Variants in MAP3K13 observed in about 807,000 individuals in gnomAD.
MAP3K13 encodes leucine zipper-bearing kinase.
MAP3K13 carries 52 observed loss-of-function variants against 104.0 expected under a neutral mutation model. The ratio of observed to expected loss-of-function variants is 0.50; its 90% CI spans 0.40 to 0.63. The LOEUF is 0.63. Among genes scored for constraint, MAP3K13 ranks in the 20% least tolerant of loss-of-function variants. The probability of loss-of-function intolerance (pLI) is 0.00; values close to 1 mark genes in which losing one functional copy is unlikely to be tolerated. For missense variants in MAP3K13, 914 were observed against 1,218.5 expected (o/e 0.75, Z 3.72); for synonymous variants, 394 against 442.2 (o/e 0.89, Z 1.37).
At chr3:185,412,941 C>A (rs1016233881) in intron 1 of MAP3K13, among the ~76,000 whole-genome samples, 1 of 152,176 alleles carries the variant, frequency 6.6e-6, no homozygotes, top group Non-Finnish European at 1.5e-5. Context: ...TACACTAGTG[C>A]TATGATTAGG....
intron 1 of MAP3K13, among the ~76,000 whole-genome samples, chr3:185,398,995 G>T (rs1037818424): frequency 6.6e-6 from 1 of 152,176 alleles, no homozygotes; most frequent in Non-Finnish European, 1.5e-5. Flanking sequence ...AAAGCTATAT[G>T]TAGCTAATGG....
At chr3:185,331,184 C>T (rs9853943) in intron 2 of MAP3K13, among the ~76,000 whole-genome samples, 113,188 of 148,424 alleles carry the variant, frequency 0.76, 43,884 homozygotes, top group Middle Eastern at 0.84. Context: ...ACCTCTGCCT[C>T]CCGGGTTCAA....
chr3:185,455,646 GAT>G lies in MAP3K13; in HGVS notation c.1278+4260_1278+4261del, dbSNP rs1203655836. Among the ~76,000 whole-genome samples, 26 of 8,104 alleles carry G rather than the reference GAT, an allele frequency of 3.2e-3. 3 individuals are homozygous for G. Among genetic ancestry groups the G allele is most frequent in the South Asian group, 0.017 (4 of 238 alleles). The allele number at this position is 8,104 out of a possible 152,430, so 5.3% of individuals were successfully genotyped here. A position where few individuals can be genotyped will look rare whatever the true frequency, so the allele number is the denominator to read the frequency against. On this transcript the variant is annotated intron_variant, in intron 7 of 13. Transcript: ENST00000265026. ...TATGATATATATATGATATATATGA[GAT>G]ATATATATGATATATATATGATATA...
intron 1 of MAP3K13, among the ~76,000 whole-genome samples, chr3:185,283,312 C>A (rs971167006): frequency 1.3e-5 from 2 of 152,012 alleles, no homozygotes; most frequent in African/African-American, 2.4e-5. Context: ...ATCACTGGCG[C>A]TTATGTTGGA....
intron 1 of MAP3K13, among the ~76,000 whole-genome samples, chr3:185,416,630 A>G (rs965534820): frequency 6.6e-6 from 1 of 152,082 alleles, no homozygotes; most frequent in African/African-American, 2.4e-5. Flanking sequence ...TAAAGTGTAT[A>G]TAATAGCACT....
intron 2 of MAP3K13, among the ~76,000 whole-genome samples, chr3:185,325,092 T>C (rs1248939982): frequency 1.3e-5 from 2 of 152,228 alleles, no homozygotes; most frequent in Non-Finnish European, 2.9e-5. Flanking sequence ...TATTTACTAA[T>C]AATTTGGGTG....
At chr3:185,405,970 G>A (rs909259504) in intron 1 of MAP3K13, among the ~76,000 whole-genome samples, 4 of 152,224 alleles carry the variant, frequency 2.6e-5, no homozygotes, top group Non-Finnish European at 4.4e-5. Flanking sequence ...GCTAGTTGAC[G>A]TCAGTTGATC....
chr3:185,340,303 T>A (rs1722671423), intron 2 of MAP3K13, among the ~76,000 whole-genome samples: 1 of 152,198 alleles, frequency 6.6e-6, no homozygotes, highest in Non-Finnish European at 1.5e-5. Flanking sequence ...GGTACTTCCC[T>A]GTATCCAAGG....
chr3:185,317,675 C>T (rs559946363), intron 2 of MAP3K13, among the ~76,000 whole-genome samples: 3 of 152,176 alleles, frequency 2.0e-5, no homozygotes, highest in Middle Eastern at 3.4e-3. Context: ...AGTGGGTAAA[C>T]GTGAAGTTTT....
At chr3:185,356,749 C>T (rs1577458696) in intron 2 of MAP3K13, among the ~76,000 whole-genome samples, 1 of 152,170 alleles carries the variant, frequency 6.6e-6, no homozygotes, top group Non-Finnish European at 1.5e-5. Flanking sequence ...CCTTGTGCCA[C>T]GTGCTCACTC....
At chr3:185,453,302 A>G (rs1715994314) in intron 7 of MAP3K13, among the ~76,000 whole-genome samples, 1 of 152,172 alleles carries the variant, frequency 6.6e-6, no homozygotes, top group Non-Finnish European at 1.5e-5. Flanking sequence ...TGAATTTTGT[A>G]AAGTGAATCG....
chr3:185,479,886 A>T (rs1718345546), intron 12 of MAP3K13, among the ~76,000 whole-genome samples: 1 of 152,156 alleles, frequency 6.6e-6, no homozygotes, highest in African/African-American at 2.4e-5. Context: ...AAAAGGTGGG[A>T]GGGAGGAATG....
At chr3:185,390,384 T>C (rs1399266234) in intron 1 of MAP3K13, among the ~76,000 whole-genome samples, 1 of 152,202 alleles carries the variant, frequency 6.6e-6, no homozygotes, top group Non-Finnish European at 1.5e-5. Flanking sequence ...ACTGTCTGGC[T>C]TCAGGGTCCA....
intron 2 of MAP3K13, among the ~76,000 whole-genome samples, chr3:185,434,270 G>A (rs1714903815): frequency 6.6e-6 from 1 of 152,042 alleles, no homozygotes; most frequent in African/African-American, 2.4e-5. Flanking sequence ...ATGAACAAAG[G>A]GGTTTTGACA....
At chr3:185,337,012 A>G (rs1190357114) in intron 2 of MAP3K13, among the ~76,000 whole-genome samples, 1 of 152,160 alleles carries the variant, frequency 6.6e-6, no homozygotes, top group Non-Finnish European at 1.5e-5. Flanking sequence ...TAATGAAACA[A>G]TAAAATATAC....
chr3:185,453,126 T>C (rs1365399089), intron 7 of MAP3K13, among the ~76,000 whole-genome samples: 1 of 152,164 alleles, frequency 6.6e-6, no homozygotes, highest in Admixed American at 6.5e-5. Flanking sequence ...ATAAGGCCCT[T>C]ATCCCTTCCA....
chr3:185,391,732 G>C (rs1712064809), intron 1 of MAP3K13, among the ~76,000 whole-genome samples: 1 of 151,816 alleles, frequency 6.6e-6, no homozygotes, highest in Admixed American at 6.6e-5. Context: ...CTTTTCTCCT[G>C]CTTTTTTCTG....
chr3:185,419,689 AT>A (rs1714009687), intron 1 of MAP3K13, among the ~76,000 whole-genome samples: 1 of 152,102 alleles, frequency 6.6e-6, no homozygotes, highest in Admixed American at 6.5e-5. Flanking sequence ...TGATTTTATC[AT>A]TCATATGGCA....
chr3:185,382,909 G>A (rs951762160), intron 1 of MAP3K13, among the ~76,000 whole-genome samples: 1 of 151,948 alleles, frequency 6.6e-6, no homozygotes, highest in Non-Finnish European at 1.5e-5. Context: ...TGTGCTCAAT[G>A]TGCAGGTTAG....
Sources: gnomAD v4.1 joint callset for allele counts (sites outside exome capture counted in the v4.1 genomes callset) on GRCh38, gnomAD v4.1.1 for gene constraint, MANE v1.5 for transcripts, NCBI Gene and HGNC (gene_info 2026-07-23, HGNC 2026-07-21) for gene names.